Variants in IFT80 observed in about 807,000 individuals in gnomAD.
The protein encoded by IFT80 is intraflagellar transport 80, also known as intraflagellar transport protein 80 homolog.
Under a neutral mutation model 107.9 loss-of-function variants are expected in IFT80, and 79 were observed. That is an observed-to-expected ratio of 0.73 (90% CI 0.61 to 0.88). IFT80 has a LOEUF of 0.88. IFT80 is among the 40% of genes least tolerant of loss of function. The probability of loss-of-function intolerance (pLI) is 0.00; values close to 1 mark genes in which losing one functional copy is unlikely to be tolerated. For synonymous variants in IFT80, 299 were observed against 300.9 expected (o/e 0.99, Z 0.07); for missense variants, 797 against 914.2 (o/e 0.87, Z 1.65).
Position 160,277,296 on chromosome 3 carries a change from T to C in IFT80, c.2099+10A>G, listed in dbSNP as rs376944901. On this transcript the variant is annotated intron_variant, in intron 18 of 19. Transcript: ENST00000326448. ...CAGATTTTGGAACTGATGGAAAGCA[T>C]TCTTATTACCTTTCCCAGTTGTAGA... 2.4e-5 allele frequency: 38 copies of C among 1,609,374 alleles called. No individual in the cohort carries two copies. The African/African-American group carries it at 4.7e-4, about 20-fold the overall frequency.
At chr3:160,271,474 T>C (rs1244296177) in intron 18 of IFT80, among the ~76,000 whole-genome samples, 1 of 152,206 alleles carries the variant, frequency 6.6e-6, no homozygotes, top group African/African-American at 2.4e-5. Context: ...CATGCATATT[T>C]AGAGTTTCTA....
At chr3:160,358,314 C>A (rs937494884) in intron 6 of IFT80, among the ~76,000 whole-genome samples, 3 of 150,154 alleles carry the variant, frequency 2.0e-5, no homozygotes, top group Admixed American at 1.3e-4. Context: ...TGTTCAGCCC[C>A]CCTCAACCAT....
intron 12 of IFT80, among the ~76,000 whole-genome samples, chr3:160,297,301 A>C (rs559643084): frequency 4.5e-4 from 69 of 152,268 alleles, no homozygotes; most frequent in Non-Finnish European, 8.5e-4. Flanking sequence ...TCTTTAAGTA[A>C]TTCTCAAATT....
chr3:160,265,883 A>T (rs998209154), intron 19 of IFT80, among the ~76,000 whole-genome samples: 1 of 152,212 alleles, frequency 6.6e-6, no homozygotes, highest in Non-Finnish European at 1.5e-5. Context: ...TTATATAATC[A>T]TAAGTCTGGC....
At chr3:160,380,886 G>A (rs1278252213) in intron 3 of IFT80, among the ~76,000 whole-genome samples, 1 of 152,002 alleles carries the variant, frequency 6.6e-6, no homozygotes, top group African/African-American at 2.4e-5. Context: ...TAAATTTGAA[G>A]AATTTAGGAA....
At chr3:160,354,647 C>T (rs372848027) in intron 8 of IFT80, among the ~76,000 whole-genome samples, 3 of 151,650 alleles carry the variant, frequency 2.0e-5, no homozygotes, top group East Asian at 1.9e-4. Context: ...AGCAAGGCTC[C>T]GTCTCAAAAA....
chr3:160,393,080 A>G (rs1400393169), intron 1 of IFT80, among the ~76,000 whole-genome samples: 1 of 152,142 alleles, frequency 6.6e-6, no homozygotes, highest in Non-Finnish European at 1.5e-5. Flanking sequence ...TCTAAAAAAT[A>G]TAAATTAGAT....
chr3:160,299,894 C>T (rs923846141), intron 12 of IFT80, among the ~76,000 whole-genome samples: 3 of 152,104 alleles, frequency 2.0e-5, no homozygotes, highest in South Asian at 2.1e-4. Context: ...TAAAAACCTA[C>T]GATAACATGC....
chr3:160,280,242 A>G (rs1022704502), intron 15 of IFT80, among the ~76,000 whole-genome samples: 3 of 152,162 alleles, frequency 2.0e-5, no homozygotes, highest in Non-Finnish European at 4.4e-5. Flanking sequence ...GTCTTTTCCT[A>G]CTTTTAATAT....
chr3:160,383,679 T>G (rs1289190362), intron 2 of IFT80: 4 of 985,208 alleles, frequency 4.1e-6, no homozygotes, highest in Admixed American at 1.2e-4. Flanking sequence ...AAGGATACTT[T>G]GAGCAGAATT....
chr3:160,378,871 G>A (rs1047714407), intron 3 of IFT80, among the ~76,000 whole-genome samples: 4 of 151,964 alleles, frequency 2.6e-5, no homozygotes, highest in East Asian at 1.9e-4. Flanking sequence ...AAGAAATTAC[G>A]GAGTTGGAAA....
In IFT80 at chr3:160,304,597, G is replaced by A. The variant is rs1576780032; in HGVS notation, c.1077-608C>T. On this transcript the variant is annotated intron_variant, in intron 10 of 19. Transcript: ENST00000326448. ...ACTACAGGCGCCTGCCACCACACCCGGCTAATTTTTTGTATTTTTAGTAGA... is the reference window on the plus strand; with the variant it reads ...ACTACAGGCGCCTGCCACCACACCCAGCTAATTTTTTGTATTTTTAGTAGA... 2.0e-5 allele frequency among the ~76,000 whole-genome samples: 3 copies of A among 151,594 alleles called. No homozygotes were observed. The South Asian group carries it at 6.3e-4, about 32-fold the overall frequency.
intron 9 of IFT80, among the ~76,000 whole-genome samples, chr3:160,308,168 G>A (rs1716965092): frequency 6.6e-6 from 1 of 152,036 alleles, no homozygotes; most frequent in Non-Finnish European, 1.5e-5. Flanking sequence ...ATCTCTTTTT[G>A]GTGTTAGATT....
At chr3:160,370,463 C>G (rs543908749) in intron 5 of IFT80, among the ~76,000 whole-genome samples, 1 of 151,792 alleles carries the variant, frequency 6.6e-6, no homozygotes, top group East Asian at 1.9e-4. Flanking sequence ...GAGACATGAG[C>G]TAACAATAGT....
intron 1 of IFT80, among the ~76,000 whole-genome samples, chr3:160,393,661 A>G (rs1014646815): frequency 6.6e-5 from 10 of 152,240 alleles, no homozygotes; most frequent in Admixed American, 2.0e-4. Context: ...ACACTTTAAA[A>G]AAAAGATGGT....
intron 19 of IFT80, among the ~76,000 whole-genome samples, chr3:160,261,801 CAAA>C (rs557472950): frequency 4.7e-4 from 31 of 66,656 alleles, no homozygotes; most frequent in Admixed American, 1.1e-3. Context: ...GACCCTGTCT[CAAA>C]AAAAAAAAAA....
At chr3:160,368,719 A>G (rs905326455) in intron 5 of IFT80, among the ~76,000 whole-genome samples, 1 of 152,000 alleles carries the variant, frequency 6.6e-6, no homozygotes, top group Non-Finnish European at 1.5e-5. Flanking sequence ...GGGACTTACT[A>G]GCTAAGGTTG....
chr3:160,391,891 C>T (rs530351384), intron 1 of IFT80, among the ~76,000 whole-genome samples: 1 of 152,148 alleles, frequency 6.6e-6, no homozygotes, highest in South Asian at 2.1e-4. Flanking sequence ...AACAGCTAAT[C>T]CTAATAACAA....
At chr3:160,355,110 AT>A (rs1559957096) in intron 8 of IFT80, among the ~76,000 whole-genome samples, 1 of 152,254 alleles carries the variant, frequency 6.6e-6, no homozygotes, top group African/African-American at 2.4e-5. Flanking sequence ...TTCAAGTACA[AT>A]GGGTAAATGC....
Sources: allele counts gnomAD v4.1 joint callset (sites outside exome capture counted in the v4.1 genomes callset), GRCh38; gene constraint gnomAD v4.1.1; transcripts MANE v1.5; gene names NCBI Gene and HGNC (gene_info 2026-07-23, HGNC 2026-07-21).